Variants in LYPD4 observed in about 807,000 individuals in gnomAD.
LYPD4 encodes the protein ly6/PLAUR domain-containing protein 4.
LYPD4 carries 20 observed loss-of-function variants against 18.2 expected under a neutral mutation model. The ratio of observed to expected loss-of-function variants is 1.10; its 90% CI spans 0.77 to 1.59. The LOEUF (loss-of-function observed/expected upper bound fraction) is 1.59, where lower values mean the gene tolerates loss of function less well. LYPD4 is among the 40% of genes most tolerant of loss of function. The pLI is 0.00. For missense variants in LYPD4, 278 were observed against 300.3 expected (o/e 0.93, Z 0.55); for synonymous variants, 111 against 118.3 (o/e 0.94, Z 0.40).
intron 1 of LYPD4, among the ~76,000 whole-genome samples, chr19:41,842,764 C>CAAAAAAAAAAAAAAAAAAAAA (rs782233081): frequency 2.0e-5 from 1 of 49,766 alleles, no homozygotes; most frequent in Non-Finnish European, 3.2e-5. Context: ...TCCGTCTAAA[C>CAAAAAAAAAAAAAAAAAAAAA]AAAAAAAAAA....
At chr19:41,837,376 A>C in intron 4 of LYPD4, 31 bp from the exon 5 acceptor site, 1 of 1,612,388 alleles carries the variant, frequency 6.2e-7, no homozygotes, top group Non-Finnish European at 8.5e-7. Flanking sequence ...AGTCAGGAAC[A>C]CTTTCAAGAC....
At chr19:41,841,462 T>G (rs1310887662) in intron 1 of LYPD4, among the ~76,000 whole-genome samples, 2 of 151,896 alleles carry the variant, frequency 1.3e-5, no homozygotes, top group East Asian at 3.9e-4. Flanking sequence ...GGTCAGGAGT[T>G]CGCGACCAGC....
chr19:41,843,946 G>A lies in LYPD4; in HGVS notation c.-489C>T, dbSNP rs1448735402. Reference sequence around the variant, plus strand: ...AAAAAAAAAAAAAAAGGATGGAGCAGTAGTCAGAGGGGATGCCACCCCTAC... The same window carrying A: ...AAAAAAAAAAAAAAAGGATGGAGCAATAGTCAGAGGGGATGCCACCCCTAC... On this transcript the variant is annotated 5_prime_UTR_variant, in exon 1 of 5. Transcript: ENST00000609812. 1 of 141,034 alleles carries A rather than the reference G, an allele frequency of 7.1e-6. No homozygotes were observed. Among genetic ancestry groups the A allele is most frequent in the African/African-American group, 2.7e-5 (1 of 37,596 alleles). 8.7% of individuals were successfully genotyped at this position (141,034 alleles called of 1,614,324 possible).
At position 41,839,021 on chromosome 19, in the gene LYPD4, G is replaced by A; in HGVS notation, c.71C>T (p.Ala24Val). The change falls in exon 3 of 5, where the codon GCT becomes GTT. Residue 24 changes from alanine to valine, a missense_variant. Transcript: ENST00000609812. ...TGCTTCATAGCACAAAAGAGCTCCA[G>A]CCCCTAAAAAGAGAATGCTCTCCCA... ...LLGAISTLPR[A>V]GALLCYEATA... 1 of 1,613,298 alleles carries A rather than the reference G, an allele frequency of 6.2e-7. No individual in the cohort carries two copies. Among genetic ancestry groups the A allele is most frequent in the East Asian group, 2.2e-5 (1 of 44,880 alleles).
downstream of LYPD4, among the ~76,000 whole-genome samples, chr19:41,836,743 G>GAA (rs79552823): frequency 1.6e-4 from 21 of 131,094 alleles, no homozygotes; most frequent in African/African-American, 3.4e-4. Flanking sequence ...TCAAAAAAAG[G>GAA]AAAAAAAAAA....
chr19:41,837,399 C>T, intron 4 of LYPD4, 54 bp from the exon 5 acceptor site: 12 of 1,600,074 alleles, frequency 7.5e-6, no homozygotes, highest in Non-Finnish European at 9.4e-6. Flanking sequence ...AAGAGCCCTG[C>T]CTTCAGCCAG....
At chr19:41,838,800 TAC>T in intron 3 of LYPD4, 79 bp downstream of exon 3, 1 of 1,339,832 alleles carries the variant, frequency 7.5e-7, no homozygotes, top group East Asian at 2.3e-5. Context: ...AATTCTAATC[TAC>T]AGTCCCTCGG....
At chr19:41,839,458 C>T in intron 1 of LYPD4, 53 bp from the exon 2 acceptor site, 2 of 627,996 alleles carry the variant, frequency 3.2e-6, no homozygotes, top group Non-Finnish European at 2.8e-6. Context: ...TCCCTCAGAC[C>T]TTCTGGGTCA....
Position 41,838,276 on chromosome 19 carries a change from A to T in LYPD4, c.212-15T>A, listed in dbSNP as rs2073442365. 1.3e-6 allele frequency: 2 copies of T among 1,513,992 alleles called. No individual in the cohort carries two copies. Among genetic ancestry groups the T allele is most frequent in the Non-Finnish European group, 1.8e-6 (2 of 1,131,910 alleles). 93.8% of individuals were successfully genotyped at this position (1,513,992 alleles called of 1,614,324 possible). On this transcript the variant is annotated splice_polypyrimidine_tract_variant and intron_variant, in intron 3 of 4. Coordinates refer to ENST00000609812, the MANE Select transcript of LYPD4 (RefSeq NM_173506.7). The stretch of plus-strand genomic sequence containing the variant: ...CCTTGCAGTCCCTGAGGAGCAGAGG[A>T]TTGAGAGAGCTCAGATCAGTGTCAC...
At chr19:41,836,551 G>A (rs1191074897), downstream of LYPD4, among the ~76,000 whole-genome samples, 1 of 151,914 alleles carries the variant, frequency 6.6e-6, no homozygotes, top group Non-Finnish European at 1.5e-5. Context: ...ACAGATACTA[G>A]CACAGTGTCT....
chr19:41,843,761 A>G lies in LYPD4; in HGVS notation c.-304T>C, dbSNP rs2073733641. 6.6e-6 allele frequency: 1 copy of G among 152,146 alleles called. No homozygotes were observed. Among genetic ancestry groups the G allele is most frequent in the Non-Finnish European group, 1.5e-5 (1 of 68,110 alleles). 9.4% of individuals were successfully genotyped at this position (152,146 alleles called of 1,614,324 possible). ...CAGGAAAGAGAAACGAAGGCTGACA[A>G]CAGATCTCACGGGGGTGAGGGAGAT... is the stretch of plus-strand genomic sequence containing the variant. On this transcript the variant is annotated 5_prime_UTR_variant, in exon 1 of 5. Coordinates refer to ENST00000609812, the MANE Select transcript of LYPD4 (RefSeq NM_173506.7).
At chr19:41,838,687 G>A (rs2073462060) in intron 3 of LYPD4, among the ~76,000 whole-genome samples, 194 bp downstream of exon 3, 2 of 151,666 alleles carry the variant, frequency 1.3e-5, no homozygotes, top group South Asian at 4.2e-4. Flanking sequence ...TTGAGCTCAG[G>A]AGTTTGAGAC....
At chr19:41,841,909 C>T (rs1402390878) in intron 1 of LYPD4, among the ~76,000 whole-genome samples, 1 of 152,112 alleles carries the variant, frequency 6.6e-6, no homozygotes, top group East Asian at 1.9e-4. Flanking sequence ...AGAGTTCTGA[C>T]CAGGATCTCA....
intron 4 of LYPD4, 44 bp downstream of exon 4, chr19:41,837,891 G>A (rs1555830995): frequency 6.5e-7 from 1 of 1,528,072 alleles, no homozygotes; most frequent in Non-Finnish European, 8.9e-7. Context: ...GACAATGCCT[G>A]GCAGAGAGTA....
In LYPD4 at chr19:41,839,388, GT is replaced by G; in HGVS notation, c.-104del. 3 of 1,071,412 alleles carry G rather than the reference GT, an allele frequency of 2.8e-6. No individual in the cohort carries two copies. The highest frequency in any genetic ancestry group is 4.3e-6 in the Non-Finnish European group (3 of 700,080). 66.4% of individuals were successfully genotyped at this position (1,071,412 alleles called of 1,614,324 possible). On this transcript the variant is annotated 5_prime_UTR_variant, in exon 2 of 5. Transcript: ENST00000609812. ...CAGTCCCCGAATTCTTTGTCCACCT[GT>G]CTCTGGGTCACTGTTTCTGGAGCAG...
At position 41,844,473 on chromosome 19, in the gene LYPD4, T is replaced by C. The variant is rs1555834816; in HGVS notation, c.-1016A>G. 6.6e-6 allele frequency: 1 copy of C among 152,080 alleles called. No homozygotes were observed. Among genetic ancestry groups the C allele is most frequent in the African/African-American group, 2.4e-5 (1 of 41,356 alleles). The allele number at this position is 152,080 out of a possible 1,614,324, so 9.4% of individuals were successfully genotyped here. A position where few individuals can be genotyped will look rare whatever the true frequency, so the allele number is the denominator to read the frequency against. ...GAGACACAAGGAAAGGGGTGCAATCTGAGGAAGGAGGGCCCGGTAAGCAAC... is the reference window on the plus strand; with the variant it reads ...GAGACACAAGGAAAGGGGTGCAATCCGAGGAAGGAGGGCCCGGTAAGCAAC... On this transcript the variant is annotated 5_prime_UTR_variant, in exon 1 of 5. Coordinates refer to ENST00000609812, the MANE Select transcript of LYPD4 (RefSeq NM_173506.7).
intron 1 of LYPD4, among the ~76,000 whole-genome samples, chr19:41,839,936 C>A (rs1168972991): frequency 6.6e-6 from 1 of 151,918 alleles, no homozygotes; most frequent in Non-Finnish European, 1.5e-5. Flanking sequence ...ATAGTCCCAG[C>A]TACTCAGGAG....
chr19:41,836,287 C>CA (rs531204341), downstream of LYPD4, among the ~76,000 whole-genome samples: 6 of 19,942 alleles, frequency 3.0e-4, 1 homozygote, highest in Non-Finnish European at 4.9e-4. Flanking sequence ...GCCAACTTAC[C>CA]AAAAAAAAAA....
chr19:41,836,949 A>G, downstream of LYPD4: 1 of 1,054,956 alleles, frequency 9.5e-7, no homozygotes, highest in Non-Finnish European at 1.3e-6. Flanking sequence ...CAGCTCCCCC[A>G]GTTGCTGGGC....
Sources: allele counts gnomAD v4.1 joint callset (sites outside exome capture counted in the v4.1 genomes callset), GRCh38; gene constraint gnomAD v4.1.1; transcripts MANE v1.5; gene names NCBI Gene and HGNC (gene_info 2026-07-23, HGNC 2026-07-21).